Variants in CFAP61 observed in about 807,000 individuals in gnomAD.
The protein encoded by CFAP61 is cilia- and flagella-associated protein 61.
CFAP61 carries 107 observed loss-of-function variants against 135.6 expected under a neutral mutation model. The ratio of observed to expected loss-of-function variants is 0.79; its 90% CI spans 0.67 to 0.93. The LOEUF is 0.93. Ranked by LOEUF, CFAP61 falls within the 40% of genes least tolerant of loss-of-function variation. CFAP61 has a pLI of 0.00. For synonymous variants in CFAP61, 575 were observed against 578.5 expected (o/e 0.99, Z 0.09); for missense variants, 1,507 against 1,556.2 (o/e 0.97, Z 0.53).
intron 21 of CFAP61, among the ~76,000 whole-genome samples, chr20:20,266,217 C>G (rs1042597261): frequency 6.6e-6 from 1 of 152,202 alleles, no homozygotes; most frequent in Non-Finnish European, 1.5e-5. Context: ...ACCTCTATTT[C>G]TTAACTGAGA....
intron 17 of CFAP61, among the ~76,000 whole-genome samples, chr20:20,211,227 CG>C (rs764662025): frequency 3.9e-5 from 6 of 152,152 alleles, no homozygotes; most frequent in Non-Finnish European, 8.8e-5. Flanking sequence ...CCTGGTTAGC[CG>C]GGGGCGCGGT....
At chr20:20,116,686 C>T (rs533087604) in intron 8 of CFAP61, among the ~76,000 whole-genome samples, 1 of 152,244 alleles carries the variant, frequency 6.6e-6, no homozygotes, top group East Asian at 1.9e-4. Context: ...CTATCAAACA[C>T]TGGGTCATAC....
intron 8 of CFAP61, among the ~76,000 whole-genome samples, chr20:20,108,510 A>G (rs1220443636): frequency 6.6e-6 from 1 of 150,850 alleles, no homozygotes; most frequent in Non-Finnish European, 1.5e-5. Flanking sequence ...AATGGTTCAG[A>G]TATAATCTCA....
intron 13 of CFAP61, among the ~76,000 whole-genome samples, chr20:20,181,199 A>T (rs1481274009): frequency 7.3e-5 from 10 of 137,908 alleles, no homozygotes. Flanking sequence ...ATATATGTAT[A>T]TATATGTATA....
chr20:20,199,663 G>A lies in CFAP61; in HGVS notation c.1798-105G>A, dbSNP rs115761694. On this transcript the variant is annotated intron_variant, in intron 16 of 26. Transcript: ENST00000245957. ...TTGCTGATTTTTTTTTTTCCTCTCT[G>A]ACTTGGCCGAGTTAAGAGTTTTGTA... 1,182 of 1,272,650 alleles carry A rather than the reference G, an allele frequency of 9.3e-4. 14 individuals are homozygous for A. In the African/African-American group the frequency reaches 0.017, roughly 18 times the overall value. The allele number at this position is 1,272,650 out of a possible 1,614,324, so 78.8% of individuals were successfully genotyped here.
At chr20:20,139,892 A>T (rs1367342545) in intron 8 of CFAP61, among the ~76,000 whole-genome samples, 2 of 152,240 alleles carry the variant, frequency 1.3e-5, no homozygotes, top group Non-Finnish European at 1.5e-5. Flanking sequence ...TAAAAGAAGC[A>T]TGCACAGTGA....
chr20:20,293,548 A>G (rs766807144), intron 24 of CFAP61, among the ~76,000 whole-genome samples: 3 of 152,220 alleles, frequency 2.0e-5, no homozygotes, highest in Non-Finnish European at 4.4e-5. Flanking sequence ...TAGCCAATTG[A>G]TCAAGAATGG....
At chr20:20,197,908 G>A (rs527401576) in intron 16 of CFAP61, among the ~76,000 whole-genome samples, 179 of 152,126 alleles carry the variant, frequency 1.2e-3, no homozygotes, top group Non-Finnish European at 2.2e-3. Context: ...GGGAGCTAAG[G>A]GATCTTAAAA....
chr20:20,299,252 T>G (rs1230430319), intron 25 of CFAP61, among the ~76,000 whole-genome samples: 1 of 152,214 alleles, frequency 6.6e-6, no homozygotes, highest in Non-Finnish European at 1.5e-5. Context: ...ACTGCCTATG[T>G]TAAGAAATAA....
At chr20:20,075,002 A>G (rs1002837103) in intron 4 of CFAP61, among the ~76,000 whole-genome samples, 187 bp from the exon 5 acceptor site, 2 of 152,208 alleles carry the variant, frequency 1.3e-5, no homozygotes, top group Admixed American at 6.5e-5. Flanking sequence ...TTTAGAACCC[A>G]AGGAAAAGTA....
At chr20:20,177,919 C>T (rs73903331) in intron 13 of CFAP61, among the ~76,000 whole-genome samples, 13,561 of 151,984 alleles carry the variant, frequency 0.089, 623 homozygotes, top group Middle Eastern at 0.14. Flanking sequence ...TCCACACCTA[C>T]TCTTTAAAAA....
intron 8 of CFAP61, among the ~76,000 whole-genome samples, chr20:20,121,036 T>C (rs1476425106): frequency 3.3e-5 from 5 of 152,074 alleles, no homozygotes; most frequent in Non-Finnish European, 7.4e-5. Flanking sequence ...AATAGGTTTC[T>C]TGTAGGCAGC....
chr20:20,151,255 T>C (rs2223852), intron 9 of CFAP61, among the ~76,000 whole-genome samples: 136,963 of 151,956 alleles, frequency 0.9, 62,529 homozygotes, highest in Middle Eastern at 0.99. Context: ...AAATACAAAA[T>C]GCACTTGAAA....
chr20:20,191,559 G>A (rs2055922873), intron 15 of CFAP61, 140 bp downstream of exon 15: 3 of 565,778 alleles, frequency 5.3e-6, no homozygotes, highest in South Asian at 2.6e-5. Context: ...ATCATCATCT[G>A]CCTCTATCCC....
intron 8 of CFAP61, among the ~76,000 whole-genome samples, chr20:20,103,368 C>T (rs2048155885): frequency 6.6e-6 from 1 of 151,988 alleles, no homozygotes; most frequent in Non-Finnish European, 1.5e-5. Context: ...TTTTTATGTA[C>T]TAAACATTGG....
At chr20:20,176,709 G>A (rs2054656646) in intron 13 of CFAP61, among the ~76,000 whole-genome samples, 1 of 152,056 alleles carries the variant, frequency 6.6e-6, no homozygotes, top group Admixed American at 6.6e-5. Context: ...CACACATTGG[G>A]GCCTGTCAGT....
rs549843982 is a variant in CFAP61, at chr20:20,169,836, A to G, written c.1385+376A>G. On this transcript the variant is annotated intron_variant, in intron 13 of 26. Coordinates refer to ENST00000245957, the MANE Select transcript of CFAP61 (RefSeq NM_015585.4). ...ACAAAGTGTGTGTCACAACAGTGGG[A>G]AAAGGAAGGATTCTTCTGTAAATCA... Among the ~76,000 whole-genome samples, 7 of 152,350 alleles carry G rather than the reference A, an allele frequency of 4.6e-5. No individual in the cohort carries two copies. In the East Asian group the frequency reaches 1.3e-3, roughly 29 times the overall value.
intron 19 of CFAP61, among the ~76,000 whole-genome samples, chr20:20,247,794 C>A (rs1458447249): frequency 6.6e-6 from 1 of 152,212 alleles, no homozygotes; most frequent in Non-Finnish European, 1.5e-5. Flanking sequence ...ATGCAACGGG[C>A]AAGTCCCCAC....
chr20:20,223,490 A>G (rs1308094558), intron 17 of CFAP61, among the ~76,000 whole-genome samples: 1 of 152,208 alleles, frequency 6.6e-6, no homozygotes, highest in Non-Finnish European at 1.5e-5. Context: ...CCATTTTAGT[A>G]TGAACCTTGT....
Sources: allele counts gnomAD v4.1 joint callset (sites outside exome capture counted in the v4.1 genomes callset), GRCh38; gene constraint gnomAD v4.1.1; transcripts MANE v1.5; gene names NCBI Gene and HGNC (gene_info 2026-07-23, HGNC 2026-07-21).